ABCF2: variants seen among roughly 807,000 people sequenced by gnomAD.
ABCF2 encodes ATP-binding cassette sub-family F member 2.
ABCF2 carries 37 observed loss-of-function variants against 76.9 expected under a neutral mutation model. That is an observed-to-expected ratio of 0.48 (90% CI 0.37 to 0.63). The LOEUF (loss-of-function observed/expected upper bound fraction) is 0.63, where lower values mean the gene tolerates loss of function less well. Among genes scored for constraint, ABCF2 ranks in the 30% least tolerant of loss-of-function variants. The probability of loss-of-function intolerance (pLI) is 0.00; values close to 1 mark genes in which losing one functional copy is unlikely to be tolerated. For synonymous variants in ABCF2, 299 were observed against 283.7 expected (o/e 1.05, Z -0.54); for missense variants, 524 against 782.1 (o/e 0.67, Z 3.94).
Position 151,218,562 on chromosome 7 carries a change from C to G in ABCF2, c.1226G>C (p.Gly409Ala). 1 of 1,613,780 alleles carries G rather than the reference C, an allele frequency of 6.2e-7. No homozygotes were observed. The highest frequency in any genetic ancestry group is 8.5e-7 in the Non-Finnish European group (1 of 1,179,720). Reference protein sequence around the residue: ...QNVSFKYTKDGPCIYNNLEFG... With the variant: ...QNVSFKYTKDAPCIYNNLEFG... ...ACCCATGCCCTGCCCTGAACTTACCCCATCTTTTGTATACTTGAAGCTCAC... is the reference window on the plus strand; with the variant it reads ...ACCCATGCCCTGCCCTGAACTTACCGCATCTTTTGTATACTTGAAGCTCAC... The change falls in exon 10 of 15, where the codon GGG becomes GCG. Residue 409 changes from glycine to alanine, a missense_variant and splice_region_variant. Physicochemically the swap from Gly to Ala is moderately conservative, Grantham distance 60 (BLOSUM62 0). This residue lies in a region of ABCF2 where 194 missense variants were observed against 348.6 expected (regional missense o/e 0.56). Transcript: ENST00000287844.
chr7:151,219,100 C>A lies in ABCF2; in HGVS notation c.981G>T (p.Arg327Ser). 1 of 1,614,120 alleles carries A rather than the reference C, an allele frequency of 6.2e-7. No individual in the cohort carries two copies. Among genetic ancestry groups the A allele is most frequent in the Non-Finnish European group, 8.5e-7 (1 of 1,180,022 alleles). The change falls in exon 8 of 15, where the codon AGG becomes AGT. Residue 327 changes from arginine (R) to serine (S), a missense_variant. By Grantham distance (110) the Arg-to-Ser change is moderately radical. Transcript: ENST00000287844. Reference sequence around the variant, plus strand: ...CAATCTGATCTTGCTCCCAGTGAAACCTCTTCATCTGGTTCTCCTCCAGCT... The same window carrying A: ...CAATCTGATCTTGCTCCCAGTGAAAACTCTTCATCTGGTTCTCCTCCAGCT... ...RLELEENQMK[R>S]FHWEQDQIAH...
At position 151,213,906 on chromosome 7, in the gene ABCF2, A is replaced by T. The variant is rs1034849940; in HGVS notation, c.*148T>A. On this transcript the variant is annotated 3_prime_UTR_variant, in exon 15 of 15. Coordinates refer to ENST00000287844, the MANE Select transcript of ABCF2 (RefSeq NM_007189.3). The stretch of plus-strand genomic sequence containing the variant: ...AGCTGTAGGTAAGAGAGTGCAGCTA[A>T]GGCAGGTTGAGGGGCAGGGGAGAGG... The T allele has an allele frequency of 3.7e-5, 54 of 1,465,694 alleles. No individual in the cohort carries two copies. Among genetic ancestry groups the T allele is most frequent in the Non-Finnish European group, 4.8e-5 (54 of 1,117,302 alleles). 90.8% of individuals were successfully genotyped at this position (1,465,694 alleles called of 1,614,324 possible). A position where few individuals can be genotyped will look rare whatever the true frequency, so the allele number is the denominator to read the frequency against.
chr7:151,223,777 G>A lies in ABCF2; in HGVS notation c.623C>T (p.Ala208Val). ...ACCCAGTCCATGCAAGATCCGCGAG[G>A]CCCTCATCTCTGCCTTGTCGGCATC... The part of the protein sequence containing the change: ...ELDADKAEMR[A>V]SRILHGLGFT... The change falls in exon 5 of 15, where the codon GCC (alanine) becomes GTC (valine). Residue 208 changes from alanine to valine, a missense_variant. This residue lies in a region of ABCF2 where 330 missense variants were observed against 433.6 expected (regional missense o/e 0.76). Coordinates refer to ENST00000287844, the MANE Select transcript of ABCF2 (RefSeq NM_007189.3). 6.2e-7 allele frequency: 1 copy of A among 1,613,918 alleles called. No homozygotes were observed. The highest frequency in any genetic ancestry group is 8.5e-7 in the Non-Finnish European group (1 of 1,179,934).
Position 151,218,951 on chromosome 7 carries a change from T to A in ABCF2, c.1018-78A>T, listed in dbSNP as rs1563612388. The A allele has an allele frequency of 2.5e-6, 4 of 1,608,386 alleles. No homozygotes were observed. In the East Asian group the frequency reaches 6.7e-5, roughly 27 times the overall value. ...CTTCAATCCAGGGTAAAAATGTTGA[T>A]CGTAACTTCTTCCCGACATCCTCCA... On this transcript the variant is annotated intron_variant, in intron 8 of 14. Coordinates refer to ENST00000287844, the MANE Select transcript of ABCF2 (RefSeq NM_007189.3).
rs780829809 is a variant in ABCF2 at position 151,212,024 on chromosome 7, C to T, written c.*2030G>A. The stretch of plus-strand genomic sequence containing the variant: ...AAGAAATTTCCCTCCTTTTTGAATA[C>T]TTCTGTCTCCTATCTAAATCACAAT... On this transcript the variant is annotated 3_prime_UTR_variant, in exon 15 of 15. Coordinates refer to ENST00000287844, the MANE Select transcript of ABCF2 (RefSeq NM_007189.3). 18 of 945,756 alleles carry T rather than the reference C, an allele frequency of 1.9e-5. No homozygotes were observed. Among genetic ancestry groups the T allele is most frequent in the Non-Finnish European group, 2.1e-5 (17 of 793,926 alleles). 58.6% of individuals were successfully genotyped at this position (945,756 alleles called of 1,614,324 possible).
In ABCF2 at chr7:151,215,954, C is replaced by G. The variant is rs1200532288; in HGVS notation, c.1401+13G>C. ...CCTGGGCAATTCCCCGGATCCCAAC[C>G]CCAGGCCTGTACCTGATGGTAACGC... On this transcript the variant is annotated intron_variant, in intron 12 of 14. Transcript: ENST00000287844. This position sits in a 1 kb window ranked among gnomAD's most constrained non-coding sequence, Gnocchi z 4.6. The G allele has an allele frequency of 2.5e-6, 4 of 1,614,004 alleles. No individual in the cohort carries two copies. Among genetic ancestry groups the G allele is most frequent in the Non-Finnish European group, 3.4e-6 (4 of 1,179,850 alleles).
chr7:151,211,959 T>C lies in ABCF2; in HGVS notation c.*2095A>G. ...GAGAAGATCCTACTCATTTTTCAAG[T>C]GAGAGCACACCAATTCCACCTTTCT... On this transcript the variant is annotated 3_prime_UTR_variant, in exon 15 of 15. Transcript: ENST00000287844. 3 of 985,024 alleles carry C rather than the reference T, an allele frequency of 3.0e-6. No homozygotes were observed. The highest frequency in any genetic ancestry group is 3.6e-6 in the Non-Finnish European group (3 of 829,528). The allele number at this position is 985,024 out of a possible 1,614,324, so 61.0% of individuals were successfully genotyped here. A position where few individuals can be genotyped will look rare whatever the true frequency, so the allele number is the denominator to read the frequency against.
intron 6 of ABCF2, 64 bp downstream of exon 6, chr7:151,222,457 C>G: frequency 7.5e-7 from 1 of 1,330,210 alleles, no homozygotes; most frequent in South Asian, 1.2e-5. Flanking sequence ...AGTTTCTGGG[C>G]ATCCATTTTC....
chr7:151,218,744 C>G lies in ABCF2; in HGVS notation c.1137+10G>C, dbSNP rs1275693917. On this transcript the variant is annotated intron_variant, in intron 9 of 14. Coordinates refer to ENST00000287844, the MANE Select transcript of ABCF2 (RefSeq NM_007189.3). The stretch of plus-strand genomic sequence containing the variant: ...CCCACCCAATCACACCCCACCCAAT[C>G]ACACCCCACCTTATCGCTCACGACC... The G allele has an allele frequency of 1.3e-6, 2 of 1,594,076 alleles. No homozygotes were observed. Among genetic ancestry groups the G allele is most frequent in the Non-Finnish European group, 1.7e-6 (2 of 1,162,650 alleles).
chr7:151,216,093 G>A (rs1802145569), intron 11 of ABCF2, 64 bp from the exon 12 acceptor site: 2 of 1,439,526 alleles, frequency 1.4e-6, no homozygotes, highest in Non-Finnish European at 2.0e-6. Flanking sequence ...AACATAGGCA[G>A]AGCAGGCAAA....
In ABCF2 at chr7:151,221,600, T is replaced by C. The variant is rs1224494185; in HGVS notation, c.899A>G (p.Asn300Ser). The stretch of plus-strand genomic sequence containing the variant: ...CACCGTATAATACTTCAGTTTCTTG[T>C]TGTGCATGTGAATGATATTGGTACA... ...GVCTNIIHMH[N>S]KKLKYYTGNY... The change falls in exon 7 of 15, where the codon AAC becomes AGC. Residue 300 changes from asparagine (N) to serine (S), a missense_variant. Physicochemically the swap from Asn to Ser is conservative, Grantham distance 46. This residue lies in a region of ABCF2 where 330 missense variants were observed against 433.6 expected (regional missense o/e 0.76). Coordinates refer to ENST00000287844, the MANE Select transcript of ABCF2 (RefSeq NM_007189.3). 1 of 1,604,012 alleles carries C rather than the reference T, an allele frequency of 6.2e-7. No homozygotes were observed. Among genetic ancestry groups the C allele is most frequent in the Non-Finnish European group, 8.5e-7 (1 of 1,171,072 alleles).
chr7:151,224,747 A>G, intron 3 of ABCF2, 29 bp downstream of exon 3: 1 of 1,566,184 alleles, frequency 6.4e-7, no homozygotes, highest in Non-Finnish European at 8.8e-7. Context: ...AAGGAGAGAT[A>G]CCTCCCACCT....
chr7:151,223,773 C>T lies in ABCF2; in HGVS notation c.627G>A (p.Ser209=), dbSNP rs763531840. 1.9e-5 allele frequency: 30 copies of T among 1,613,780 alleles called. No individual in the cohort carries two copies. The Admixed American group carries it at 4.3e-4, about 23-fold the overall frequency. The change falls in exon 5 of 15, where the codon TCG becomes TCA. Residue 209 remains serine, a synonymous_variant. Transcript: ENST00000287844. ...TGAAACCCAGTCCATGCAAGATCCGCGAGGCCCTCATCTCTGCCTTGTCGG... is the reference window on the plus strand; with the variant it reads ...TGAAACCCAGTCCATGCAAGATCCGTGAGGCCCTCATCTCTGCCTTGTCGG... ...LDADKAEMRA[S]RILHGLGFTP...
Position 151,218,208 on chromosome 7 carries a change from A to T in ABCF2, c.1228-17T>A, listed in dbSNP as rs1286328176. ...GATGCAAGGCTGAGGTGGGGATGAG[A>T]GAGATGTGGACACAAGGCTAGAATA... On this transcript the variant is annotated splice_polypyrimidine_tract_variant and intron_variant, in intron 10 of 14. Coordinates refer to ENST00000287844, the MANE Select transcript of ABCF2 (RefSeq NM_007189.3). 1 of 1,543,102 alleles carries T rather than the reference A, an allele frequency of 6.5e-7. No homozygotes were observed. Among genetic ancestry groups the T allele is most frequent in the Non-Finnish European group, 9.0e-7 (1 of 1,115,624 alleles).
At position 151,213,097 on chromosome 7, in the gene ABCF2, G is replaced by GT; in HGVS notation, c.*956dup. On this transcript the variant is annotated 3_prime_UTR_variant, in exon 15 of 15. Coordinates refer to ENST00000287844, the MANE Select transcript of ABCF2 (RefSeq NM_007189.3). The stretch of plus-strand genomic sequence containing the variant: ...TAACAAGCAGCCCAACTGCTGTGCA[G>GT]TTGGGGCAGAACCTCAGATCACAAT... The GT allele has an allele frequency of 1.0e-6, 1 of 985,370 alleles. No individual in the cohort carries two copies. The highest frequency in any genetic ancestry group is 1.2e-6 in the Non-Finnish European group (1 of 829,864). The allele number at this position is 985,370 out of a possible 1,614,324, so 61.0% of individuals were successfully genotyped here. A position where few individuals can be genotyped will look rare whatever the true frequency, so the allele number is the denominator to read the frequency against.
rs376982939 is a variant in ABCF2 at position 151,215,736 on chromosome 7, C to T, written c.1402-4G>A. On this transcript the variant is annotated splice_polypyrimidine_tract_variant and splice_region_variant and intron_variant, in intron 12 of 14. Coordinates refer to ENST00000287844, the MANE Select transcript of ABCF2 (RefSeq NM_007189.3). This position sits in a 1 kb window ranked among gnomAD's most constrained non-coding sequence, Gnocchi z 4.6. ...AGTCCAGCTGCTCTTGTAAATGCTA[C>T]AGGAAAAATGGAAGCCACCCGGGTG... 6.2e-7 allele frequency: 1 copy of T among 1,613,960 alleles called. No individual in the cohort carries two copies. The highest frequency in any genetic ancestry group is 1.3e-5 in the African/African-American group (1 of 74,832).
At position 151,212,573 on chromosome 7, in the gene ABCF2, T is replaced by A. The variant is rs117219356; in HGVS notation, c.*1481A>T. 896 of 881,420 alleles carry A rather than the reference T, an allele frequency of 1.0e-3. 1 individual carries two copies. The highest frequency in any genetic ancestry group is 1.4e-3 in the Admixed American group (23 of 16,160). The allele number at this position is 881,420 out of a possible 1,614,324, so 54.6% of individuals were successfully genotyped here. ...GAGTGTAGCGGCACGCTCTGCTCAC[T>A]GCAGCCTCAACCTCCTGGGCTCAAG... On this transcript the variant is annotated 3_prime_UTR_variant, in exon 15 of 15. Transcript: ENST00000287844.
rs1397015414 is a variant in ABCF2, at chr7:151,213,850, AAGG to A, written c.*201_*203del. 11 of 1,402,652 alleles carry A rather than the reference AAGG, an allele frequency of 7.8e-6. No homozygotes were observed. The highest frequency in any genetic ancestry group is 9.2e-6 in the Non-Finnish European group (10 of 1,084,414). 86.9% of individuals were successfully genotyped at this position (1,402,652 alleles called of 1,614,324 possible). ...TCCAGACATGGACAGATGTAACTGG[AAGG>A]AGGACAGGAAACAGACAGGTACTGT... On this transcript the variant is annotated 3_prime_UTR_variant, in exon 15 of 15. Coordinates refer to ENST00000287844, the MANE Select transcript of ABCF2 (RefSeq NM_007189.3).
chr7:151,227,010 TC>T (rs1190695292), intron 1 of ABCF2, 152 bp downstream of exon 1: 1 of 112,282 alleles, frequency 8.9e-6, no homozygotes, highest in Non-Finnish European at 1.8e-5. Context: ...CCCCGGGTCC[TC>T]CCCCACCCCG....
Sources: gnomAD v4.1 joint callset for allele counts on GRCh38, gnomAD v4.1.1 for gene constraint, gnomAD v4.1.1 regional missense constraint, Gnocchi (gnomAD v3.1) non-coding constraint, MANE v1.5 for transcripts, NCBI Gene and HGNC (gene_info 2026-07-23, HGNC 2026-07-21) for gene names.